CDYL: variants seen among roughly 807,000 people sequenced by gnomAD.
CDYL encodes chromodomain Y-like protein.
A neutral mutation model predicts 47.3 loss-of-function variants in CDYL; 8 were observed. That is an observed-to-expected ratio of 0.17 (90% CI 0.10 to 0.31). The LOEUF (loss-of-function observed/expected upper bound fraction) is 0.31, where lower values mean the gene tolerates loss of function less well. Among genes scored for constraint, CDYL ranks in the 10% least tolerant of loss-of-function variants. The pLI is 1.00. For synonymous variants in CDYL, 266 were observed against 265.0 expected (o/e 1.00, Z -0.04); for missense variants, 471 against 701.4 (o/e 0.67, Z 3.71).
chr6:4,918,271 G>C (rs1757612053), intron 2 of CDYL, among the ~76,000 whole-genome samples: 1 of 151,990 alleles, frequency 6.6e-6, no homozygotes, highest in Non-Finnish European at 1.5e-5. Context: ...CGATAGCTAT[G>C]GTTATTTTTG....
At chr6:4,797,995 C>G (rs747851335) in intron 1 of CDYL, among the ~76,000 whole-genome samples, 1 of 151,514 alleles carries the variant, frequency 6.6e-6, no homozygotes, top group Non-Finnish European at 1.5e-5. Flanking sequence ...TTTTTGGAGA[C>G]AGGATTTTAT....
At chr6:4,731,481 G>A (rs1239705380) in intron 2 of CDYL, among the ~76,000 whole-genome samples, 1 of 152,022 alleles carries the variant, frequency 6.6e-6, no homozygotes, top group Non-Finnish European at 1.5e-5. Context: ...TTCCATTATG[G>A]ATCCAAAAAA....
intron 1 of CDYL, among the ~76,000 whole-genome samples, chr6:4,869,288 G>A (rs548142443): frequency 5.3e-5 from 8 of 151,888 alleles, no homozygotes; most frequent in Non-Finnish European, 1.0e-4. Context: ...TAGAGATGGG[G>A]TTTCACTGTG....
At chr6:4,783,993 C>T (rs1289714193) in intron 1 of CDYL, among the ~76,000 whole-genome samples, 1 of 152,124 alleles carries the variant, frequency 6.6e-6, no homozygotes, top group Non-Finnish European at 1.5e-5. Context: ...TCATTTCATT[C>T]TCTCTTCTTT....
intron 1 of CDYL, among the ~76,000 whole-genome samples, chr6:4,876,810 G>T (rs1414356100): frequency 6.6e-6 from 1 of 152,202 alleles, no homozygotes; most frequent in African/African-American, 2.4e-5. Context: ...TTGTGGGAAT[G>T]ACGTAAATTT....
chr6:4,730,072 C>T (rs762922928), intron 2 of CDYL, among the ~76,000 whole-genome samples: 28 of 152,076 alleles, frequency 1.8e-4, no homozygotes, highest in Non-Finnish European at 3.2e-4. Flanking sequence ...GTGTCTCCAA[C>T]CACTGGTAGT....
chr6:4,721,967 A>G (rs1184748840), intron 2 of CDYL, among the ~76,000 whole-genome samples: 1 of 151,766 alleles, frequency 6.6e-6, no homozygotes, highest in East Asian at 1.9e-4. Flanking sequence ...GGTTCACACC[A>G]TTCTCCTGCC....
intron 2 of CDYL, among the ~76,000 whole-genome samples, chr6:4,729,187 C>A (rs1360824537): frequency 2.0e-5 from 3 of 152,260 alleles, no homozygotes; most frequent in Admixed American, 2.0e-4. Context: ...AACACACAAA[C>A]CCAGCTCTGT....
At chr6:4,918,836 A>C (rs1757628971) in intron 2 of CDYL, among the ~76,000 whole-genome samples, 1 of 152,200 alleles carries the variant, frequency 6.6e-6, no homozygotes. Flanking sequence ...CCTTTGGGTT[A>C]CTAAAGACTT....
At chr6:4,749,911 G>A (rs996320607) in intron 3 of CDYL, among the ~76,000 whole-genome samples, 1 of 152,198 alleles carries the variant, frequency 6.6e-6, no homozygotes, top group African/African-American at 2.4e-5. Context: ...TATGGTCCAA[G>A]TAGGGGGTTC....
chr6:4,949,795 A>G (rs549421039), intron 5 of CDYL, among the ~76,000 whole-genome samples: 1 of 152,368 alleles, frequency 6.6e-6, no homozygotes, highest in Admixed American at 6.5e-5. Context: ...ATATCTTACC[A>G]AGGGAGATTT....
chr6:4,809,049 C>T (rs1759452119), intron 1 of CDYL, among the ~76,000 whole-genome samples: 1 of 152,180 alleles, frequency 6.6e-6, no homozygotes, highest in African/African-American at 2.4e-5. Flanking sequence ...TCTGTACGCC[C>T]TCCACTCCTT....
intron 3 of CDYL, among the ~76,000 whole-genome samples, chr6:4,737,725 C>T (rs1337979394): frequency 6.6e-6 from 1 of 152,078 alleles, no homozygotes; most frequent in Non-Finnish European, 1.5e-5. Context: ...CAGGGTTTCA[C>T]CATGTTGGCC....
In CDYL at chr6:4,935,530, T is replaced by C. The variant is rs1758164596; in HGVS notation, c.707T>C (p.Met236Thr). The C allele has an allele frequency of 1.2e-6, 2 of 1,614,252 alleles. No individual in the cohort carries two copies. Among genetic ancestry groups the C allele is most frequent in the Non-Finnish European group, 1.7e-6 (2 of 1,180,038 alleles). Residue 236 changes from methionine to threonine, a missense_variant, in exon 3 of 7, where the codon ATG becomes ACG. Coordinates refer to ENST00000397588, the MANE Select transcript of CDYL (RefSeq NM_004824.4). ...AVNGKGTSPFMDALTANGTTN... is the reference protein window; with the variant it reads ...AVNGKGTSPFTDALTANGTTN... ...CTCTCGGCAGGTACATCTCCGTTCA[T>C]GGATGCATTAACAGCCAATGGGACA...
chr6:4,717,152 G>C (rs1392591050), intron 2 of CDYL, among the ~76,000 whole-genome samples: 1 of 152,134 alleles, frequency 6.6e-6, no homozygotes, highest in Non-Finnish European at 1.5e-5. Context: ...GTCGTGGCTG[G>C]AGCAGTGAGG....
At chr6:4,728,729 G>A (rs1334772370) in intron 2 of CDYL, among the ~76,000 whole-genome samples, 1 of 152,138 alleles carries the variant, frequency 6.6e-6, no homozygotes, top group East Asian at 1.9e-4. Context: ...TTCTGCTTTT[G>A]GTTGTAAAGA....
intron 2 of CDYL, among the ~76,000 whole-genome samples, chr6:4,909,379 C>T (rs1186587232): frequency 6.6e-6 from 1 of 152,212 alleles, no homozygotes. Flanking sequence ...CCCTTTCCTG[C>T]ATCCTTATTA....
chr6:4,712,917 G>A (rs1316910270), intron 1 of CDYL, among the ~76,000 whole-genome samples: 1 of 152,184 alleles, frequency 6.6e-6, no homozygotes, highest in African/African-American at 2.4e-5. Flanking sequence ...ATCTGGGGTG[G>A]GCAGATCACT....
chr6:4,732,385 G>A lies in CDYL; in HGVS notation c.104-2377G>A, dbSNP rs368488650. 4.6e-5 allele frequency among the ~76,000 whole-genome samples: 7 copies of A among 151,924 alleles called. No individual in the cohort carries two copies. The South Asian group carries it at 8.3e-4, about 18-fold the overall frequency. On this transcript the variant is annotated intron_variant, in intron 2 of 8. Coordinates refer to the CDYL transcript ENST00000328908. ...ATGGGAAGAAATGTCTGGGCACTGC[G>A]GCTTATGCCTGTAATCCCAGCACAT...
Sources: gnomAD v4.1 joint callset for allele counts (sites outside exome capture counted in the v4.1 genomes callset) on GRCh38, gnomAD v4.1.1 for gene constraint, MANE v1.5 for transcripts, NCBI Gene and HGNC (gene_info 2026-07-23, HGNC 2026-07-21) for gene names.